The following RNF212 variants were observed in gnomAD, a reference collection of about 807,000 sequenced individuals.
The protein encoded by RNF212 is ring finger protein 212.
Under a neutral mutation model 34.7 loss-of-function variants are expected in RNF212, and 33 were observed. The observed-to-expected ratio is 0.95, with a 90% CI of 0.72 to 1.27. RNF212 has a LOEUF of 1.27. Among genes scored for constraint, RNF212 ranks in the 50% most tolerant of loss-of-function variants. The probability of loss-of-function intolerance (pLI) is 0.00; values close to 1 mark genes in which losing one functional copy is unlikely to be tolerated. For synonymous variants in RNF212, 140 were observed against 136.1 expected (o/e 1.03, Z -0.20); for missense variants, 377 against 362.2 (o/e 1.04, Z -0.33).
intron 3 of RNF212, among the ~76,000 whole-genome samples, chr4:1,064,933 C>T (rs1560091363): frequency 6.6e-6 from 1 of 152,206 alleles, no homozygotes; most frequent in Non-Finnish European, 1.5e-5. Context: ...CTTAGCATAG[C>T]GTCCTCAATG....
chr4:1,067,499 G>T (rs1024212611), downstream of RNF212, among the ~76,000 whole-genome samples: 31 of 152,066 alleles, frequency 2.0e-4, no homozygotes, highest in African/African-American at 7.5e-4. Flanking sequence ...ATAAAAGGAT[G>T]GAAAAAGATA....
Position 1,072,763 on chromosome 4 carries a change from A to G in RNF212, c.*111T>C. On this transcript the variant is annotated 3_prime_UTR_variant, in exon 10 of 10. Coordinates refer to ENST00000433731, the MANE Select transcript of RNF212 (RefSeq NM_001131034.4). ...TGGGTAAAAGGTTAATATCCTGCAC[A>G]CTGAGGGCTTCCACATAAATGACAA... 1 of 1,455,956 alleles carries G rather than the reference A, an allele frequency of 6.9e-7. No homozygotes were observed. Among genetic ancestry groups the G allele is most frequent in the Non-Finnish European group, 9.0e-7 (1 of 1,105,778 alleles). 90.2% of individuals were successfully genotyped at this position (1,455,956 alleles called of 1,614,324 possible). A position where few individuals can be genotyped will look rare whatever the true frequency, so the allele number is the denominator to read the frequency against.
intron 8 of RNF212, among the ~76,000 whole-genome samples, chr4:1,076,486 T>C (rs1035477561): frequency 5.3e-5 from 8 of 151,454 alleles, no homozygotes; most frequent in Admixed American, 2.6e-4. Flanking sequence ...CCCTGAACAG[T>C]GTGGGAGGTT....
intron 8 of RNF212, among the ~76,000 whole-genome samples, chr4:1,077,311 G>C (rs1212898974): frequency 6.6e-6 from 1 of 152,210 alleles, no homozygotes; most frequent in Non-Finnish European, 1.5e-5. Context: ...TAGGAACTTT[G>C]ATTCATTACA....
chr4:1,109,102 G>C (rs1490816229), intron 1 of RNF212, among the ~76,000 whole-genome samples: 1 of 150,774 alleles, frequency 6.6e-6, no homozygotes, highest in African/African-American at 2.4e-5. Flanking sequence ...CCACCTCCTG[G>C]GTTCAAGTGA....
intron 2 of RNF212, chr4:1,099,667 T>C: frequency 2.3e-6 from 1 of 439,254 alleles, no homozygotes; most frequent in Admixed American, 2.4e-5. Flanking sequence ...AAAAGGGGGG[T>C]GTGTGCGCCA....
chr4:1,088,759 G>A (rs1339461782), intron 4 of RNF212, among the ~76,000 whole-genome samples: 1 of 152,234 alleles, frequency 6.6e-6, no homozygotes, highest in Non-Finnish European at 1.5e-5. Flanking sequence ...CCTGCATCCT[G>A]GCTGCTCTGG....
intron 8 of RNF212, among the ~76,000 whole-genome samples, 186 bp downstream of exon 8, chr4:1,079,457 C>T (rs774877278): frequency 6.6e-6 from 1 of 152,228 alleles, no homozygotes. Context: ...AGAACAGGAG[C>T]GTTCTCATGA....
intron 8 of RNF212, among the ~76,000 whole-genome samples, chr4:1,079,341 GGGAACAACACA>G (rs997635340): frequency 3.2e-4 from 48 of 152,296 alleles, no homozygotes; most frequent in Non-Finnish European, 5.0e-4. Context: ...GGACCTGTAC[GGGAACAACACA>G]GGAACAACAC....
chr4:1,091,082 G>A (rs1187101671), intron 3 of RNF212, among the ~76,000 whole-genome samples: 2 of 152,356 alleles, frequency 1.3e-5, no homozygotes, highest in African/African-American at 4.8e-5. Context: ...TTCAAGTTGC[G>A]AGTGGTGCTC....
chr4:1,070,091 C>G (rs1248482169), downstream of RNF212, among the ~76,000 whole-genome samples: 122 of 98,952 alleles, frequency 1.2e-3, no homozygotes, highest in East Asian at 3.1e-3. Flanking sequence ...GGGTGGTTTC[C>G]TAGGACTGTG....
chr4:1,077,679 T>C (rs533992829), intron 8 of RNF212, among the ~76,000 whole-genome samples: 1 of 152,324 alleles, frequency 6.6e-6, no homozygotes, highest in South Asian at 2.1e-4. Context: ...AAGGCCCTAG[T>C]GCAGCAAGGG....
chr4:1,056,474 T>A, exon 5 of RNF212: 1 of 983,796 alleles, frequency 1.0e-6, no homozygotes, highest in Non-Finnish European at 1.2e-6. Flanking sequence ...AAACACAACT[T>A]TGTCTTTGAA....
chr4:1,096,051 C>T (rs376679733), intron 3 of RNF212, among the ~76,000 whole-genome samples: 1 of 53,268 alleles, frequency 1.9e-5, no homozygotes, highest in Non-Finnish European at 3.4e-5. Flanking sequence ...CCCCCCACAG[C>T]TCCATGGTCT....
At chr4:1,063,587 G>C (rs1440456418) in intron 3 of RNF212, among the ~76,000 whole-genome samples, 3 of 151,892 alleles carry the variant, frequency 2.0e-5, no homozygotes, top group Admixed American at 6.6e-5. Context: ...TGTAATCCCA[G>C]CTCGTCAGGA....
intron 1 of RNF212, among the ~76,000 whole-genome samples, chr4:1,110,127 T>A (rs948079738): frequency 6.6e-6 from 1 of 152,270 alleles, no homozygotes; most frequent in African/African-American, 2.4e-5. Context: ...GGAGGAGGAT[T>A]AACAGACATG....
intron 8 of RNF212, among the ~76,000 whole-genome samples, chr4:1,077,242 A>T (rs1490483722): frequency 6.6e-6 from 1 of 152,150 alleles, no homozygotes; most frequent in Non-Finnish European, 1.5e-5. Flanking sequence ...ACAAACAAAC[A>T]AACAAAAAAC....
At chr4:1,084,156 G>C (rs939365587) in intron 5 of RNF212, among the ~76,000 whole-genome samples, 2 of 152,022 alleles carry the variant, frequency 1.3e-5, no homozygotes, top group Admixed American at 1.3e-4. Context: ...TCTCCATGCT[G>C]GTCAGGTTGG....
chr4:1,092,861 C>T (rs1200947496), intron 3 of RNF212, among the ~76,000 whole-genome samples: 2 of 152,228 alleles, frequency 1.3e-5, no homozygotes, highest in African/African-American at 2.4e-5. Flanking sequence ...CGGACTCTCG[C>T]CAAGAGGCCA....
Sources: allele counts gnomAD v4.1 joint callset (sites outside exome capture counted in the v4.1 genomes callset), GRCh38; gene constraint gnomAD v4.1.1; transcripts MANE v1.5; gene names NCBI Gene and HGNC (gene_info 2026-07-23, HGNC 2026-07-21).